Variants in PRR12 observed in about 807,000 individuals in gnomAD.
The protein encoded by PRR12 is proline-rich protein 12.
PRR12 carries 12 observed loss-of-function variants against 138.0 expected under a neutral mutation model. The ratio of observed to expected loss-of-function variants is 0.09; its 90% CI spans 0.06 to 0.14. The LOEUF is 0.14. PRR12 is among the 10% of genes least tolerant of loss of function. PRR12 has a pLI of 1.00. For synonymous variants in PRR12, 1,567 were observed against 1,291.7 expected, an observed-to-expected ratio of 1.21 and a Z score of -4.57; for missense variants, 2,692 against 2,861.3, an observed-to-expected ratio of 0.94 and a Z score of 1.35.
chr19:49,614,953 G>A lies in PRR12; in HGVS notation c.4968G>A (p.Lys1656=). ...YVKFLENVNK[K]DYVRVCARKP... ...AGTTCCTGGAAAATGTCAATAAGAA[G>A]GACTACGTGAGGGTCTGTGCTCGGA... The change falls in exon 8 of 14, where the codon AAG becomes AAA. Residue 1656 remains lysine, a synonymous_variant. Transcript: ENST00000418929. The surrounding 1 kb of genome is among the most constrained non-coding windows in gnomAD (Gnocchi z 5.0). The A allele has an allele frequency of 6.2e-7, 1 of 1,614,028 alleles. No individual in the cohort carries two copies. The highest frequency in any genetic ancestry group is 8.5e-7 in the Non-Finnish European group (1 of 1,179,898).
chr19:49,596,532 G>C lies in PRR12; in HGVS notation c.2197G>C (p.Glu733Gln), dbSNP rs766948254. The change falls in exon 4 of 14, where the codon GAG (glutamate) becomes CAG (glutamine). Residue 733 changes from glutamate (E) to glutamine (Q), a missense_variant. Around this residue, in one of 11 missense-constraint regions of PRR12, gnomAD observed 840 missense variants for 689.8 expected, o/e 1.22. Transcript: ENST00000418929. This position sits in a 1 kb window ranked among gnomAD's most constrained non-coding sequence, Gnocchi z 5.6. ...GCTGAAGGAGAAGAAGAAAGGGCCA[G>C]AGCGGGGTGGCGAGACCCCCGAGGG... ...GRLKEKKKGP[E>Q]RGGETPEGLA... is the part of the protein sequence containing the mutation. The C allele has an allele frequency of 9.0e-5, 145 of 1,608,962 alleles. 2 individuals are homozygous for C. The highest frequency in any genetic ancestry group is 5.0e-5 in the Admixed American group (3 of 59,492).
rs575817914 is a variant in PRR12 at position 49,596,324 on chromosome 19, C to T, written c.1989C>T (p.Gly663=). 2.6e-5 allele frequency: 42 copies of T among 1,610,138 alleles called. No individual in the cohort carries two copies. Among genetic ancestry groups the T allele is most frequent in the Middle Eastern group, 1.7e-4 (1 of 6,054 alleles). Residue 663 remains glycine (G), a synonymous_variant, in exon 4 of 14, where the codon GGC becomes GGT. Coordinates refer to ENST00000418929, the MANE Select transcript of PRR12 (RefSeq NM_020719.3). The surrounding 1 kb of genome is among the most constrained non-coding windows in gnomAD (Gnocchi z 5.6). ...PRTSGADGLV[G]EDGAADASKG... is the part of the protein sequence containing the mutation. ...CCTCAGGGGCGGACGGCTTGGTGGG[C>T]GAGGACGGGGCAGCAGATGCCTCTA... is the stretch of plus-strand genomic sequence containing the variant.
intron 6 of PRR12, among the ~76,000 whole-genome samples, chr19:49,612,945 G>T (rs981422178): frequency 2.0e-5 from 3 of 151,994 alleles, no homozygotes; most frequent in Non-Finnish European, 2.9e-5. Context: ...AAAGGTGTGA[G>T]CCACTGCACT....
intron 5 of PRR12, among the ~76,000 whole-genome samples, 175 bp from the exon 6 acceptor site, chr19:49,601,316 G>A (rs933408587): frequency 1.1e-4 from 16 of 152,158 alleles, no homozygotes; most frequent in African/African-American, 3.9e-4. Flanking sequence ...CTCCTTTGCA[G>A]CCGCAGGAGC....
Position 49,597,449 on chromosome 19 carries a change from G to C in PRR12, c.3114G>C (p.Ala1038=). ...GLIQSGPHQA[A]PPPPPPPPPP... Reference sequence around the variant, plus strand: ...TCCAGAGTGGCCCCCACCAGGCGGCGCCACCACCCCCGCCTCCGCCACCGC... The same window carrying C: ...TCCAGAGTGGCCCCCACCAGGCGGCCCCACCACCCCCGCCTCCGCCACCGC... The change falls in exon 4 of 14, where the codon GCG becomes GCC. Residue 1038 remains alanine (A), a synonymous_variant. Transcript: ENST00000418929. The surrounding 1 kb of genome is among the most constrained non-coding windows in gnomAD (Gnocchi z 6.3). 2 of 1,538,990 alleles carry C rather than the reference G, an allele frequency of 1.3e-6. No homozygotes were observed. Among genetic ancestry groups the C allele is most frequent in the Non-Finnish European group, 1.7e-6 (2 of 1,145,530 alleles).
rs991519777 is a variant in PRR12 at position 49,601,912 on chromosome 19, C to G, written c.4767C>G (p.Ser1589=). Residue 1589 remains serine, a synonymous_variant, in exon 6 of 14, where the codon TCC becomes TCG. Coordinates refer to ENST00000418929, the MANE Select transcript of PRR12 (RefSeq NM_020719.3). ...EFVIRAEDIP[S]LKLALQTGRE... The stretch of plus-strand genomic sequence containing the variant: ...TCATCCGTGCTGAGGACATCCCTTC[C>G]CTCAAGGTGAGTCCCAGCCTTCTCC... The G allele has an allele frequency of 1.1e-5, 18 of 1,611,294 alleles. No homozygotes were observed. The highest frequency in any genetic ancestry group is 1.5e-5 in the Non-Finnish European group (18 of 1,179,588).
chr19:49,599,527 A>G lies in PRR12; in HGVS notation c.3934A>G (p.Ser1312Gly). 6.3e-7 allele frequency: 1 copy of G among 1,597,706 alleles called. No homozygotes were observed. The highest frequency in any genetic ancestry group is 8.5e-7 in the Non-Finnish European group (1 of 1,172,740). Residue 1312 changes from serine to glycine, a missense_variant, in exon 5 of 14, where the codon AGT becomes GGT. Physicochemically the swap from Ser to Gly is moderately conservative, Grantham distance 56 (BLOSUM62 0). Coordinates refer to ENST00000418929, the MANE Select transcript of PRR12 (RefSeq NM_020719.3). This position sits in a 1 kb window ranked among gnomAD's most constrained non-coding sequence, Gnocchi z 5.0. ...GACGCCTCCGCTCAGCCCTCCCAAG[A>G]GTGTGCCACCCTCTGTGCCAGCCCG... The part of the protein sequence containing the change: ...GLTPPLSPPK[S>G]VPPSVPARGL...
At position 49,616,866 on chromosome 19, in the gene PRR12, C is replaced by T. The variant is rs992012740; in HGVS notation, c.5497+647C>T. Reference sequence around the variant, plus strand: ...TGGTTAGGCCGGGCACAGTGGCTCGCGCCTGTAATCCCAACACTTTGGGAG... The same window carrying T: ...TGGTTAGGCCGGGCACAGTGGCTCGTGCCTGTAATCCCAACACTTTGGGAG... On this transcript the variant is annotated intron_variant, in intron 9 of 13. Coordinates refer to ENST00000418929, the MANE Select transcript of PRR12 (RefSeq NM_020719.3). This position sits in a 1 kb window ranked among gnomAD's most constrained non-coding sequence, Gnocchi z 4.2. Among the ~76,000 whole-genome samples the T allele has an allele frequency of 5.3e-5, 8 of 152,210 alleles. No individual in the cohort carries two copies. Among genetic ancestry groups the T allele is most frequent in the African/African-American group, 1.4e-4 (6 of 41,520 alleles).
rs1160486058 is a variant in PRR12, at chr19:49,595,809, G to C, written c.1474G>C (p.Ala492Pro). ...PPSGPPPPGL[A>P]TCQSYSPDQL... ...CAGCGGCCCCCCTCCTCCTGGCCTG[G>C]CCACATGTCAGAGCTACTCCCCGGA... Residue 492 changes from alanine (A) to proline (P), a missense_variant, in exon 4 of 14, where the codon GCC becomes CCC. By Grantham distance (27) the Ala-to-Pro change is conservative. Coordinates refer to ENST00000418929, the MANE Select transcript of PRR12 (RefSeq NM_020719.3). 3 of 1,598,546 alleles carry C rather than the reference G, an allele frequency of 1.9e-6. No homozygotes were observed. Among genetic ancestry groups the C allele is most frequent in the Middle Eastern group, 1.7e-4 (1 of 6,034 alleles).
At position 49,595,957 on chromosome 19, in the gene PRR12, T is replaced by C; in HGVS notation, c.1622T>C (p.Leu541Pro). ...TACAGTACCGGCCATTCCCCAGCGC[T>C]CTCGGGCCATGGGGGTGGCTGGGGA... ...LSYSTGHSPALSGHGGGWGPS... is the reference protein window; with the variant it reads ...LSYSTGHSPAPSGHGGGWGPS... Residue 541 changes from leucine to proline, a missense_variant, in exon 4 of 14, where the codon CTC becomes CCC. Physicochemically the swap from Leu to Pro is moderately conservative, Grantham distance 98. Transcript: ENST00000418929. 1.2e-6 allele frequency: 2 copies of C among 1,600,590 alleles called. No individual in the cohort carries two copies. The highest frequency in any genetic ancestry group is 1.7e-6 in the Non-Finnish European group (2 of 1,179,618).
rs759552446 is a variant in PRR12, at chr19:49,593,376, C to T, written c.136C>T (p.His46Tyr). ...RTSHPETDIL[H>Y]RQAYAAPHPL... is the part of the protein sequence containing the mutation. ...CTCGCACCCCGAGACGGACATCTTACACCGCCAGGCCTATGCGGCCCCCCA... is the reference window on the plus strand; with the variant it reads ...CTCGCACCCCGAGACGGACATCTTATACCGCCAGGCCTATGCGGCCCCCCA... Residue 46 changes from histidine to tyrosine, a missense_variant, in exon 2 of 14, where the codon CAC (histidine) becomes TAC (tyrosine). Physicochemically the swap from His to Tyr is moderately conservative, Grantham distance 83 (BLOSUM62 2). Transcript: ENST00000418929. The T allele has an allele frequency of 1.9e-6, 3 of 1,612,372 alleles. No individual in the cohort carries two copies. Among genetic ancestry groups the T allele is most frequent in the Non-Finnish European group, 2.5e-6 (3 of 1,179,402 alleles).
At chr19:49,608,844 AAAAAAAAAC>A (rs1048912342) in intron 6 of PRR12, among the ~76,000 whole-genome samples, 1 of 151,900 alleles carries the variant, frequency 6.6e-6, no homozygotes, top group Admixed American at 6.6e-5. Flanking sequence ...CCTGTCTCAA[AAAAAAAAAC>A]AAAAAAAACA....
intron 5 of PRR12, among the ~76,000 whole-genome samples, chr19:49,600,668 A>G (rs2080805241): frequency 6.6e-6 from 1 of 151,848 alleles, no homozygotes; most frequent in South Asian, 2.1e-4. Context: ...AAAAACCCCA[A>G]AAACAAAACA....
At chr19:49,609,979 CT>C (rs926692542) in intron 6 of PRR12, among the ~76,000 whole-genome samples, 3,194 of 145,842 alleles carry the variant, frequency 0.022, 145 homozygotes, top group East Asian at 0.13. Flanking sequence ...CTTTTTCTTT[CT>C]TTTTTTTTTT....
intron 6 of PRR12, among the ~76,000 whole-genome samples, chr19:49,607,117 G>A (rs2080842481): frequency 2.0e-5 from 3 of 151,566 alleles, no homozygotes; most frequent in South Asian, 4.2e-4. Flanking sequence ...AACATTGTGA[G>A]CCCCCGCCTT....
chr19:49,617,895 C>T (rs2080900985), intron 9 of PRR12, among the ~76,000 whole-genome samples: 1 of 151,900 alleles, frequency 6.6e-6, no homozygotes, highest in African/African-American at 2.4e-5. Flanking sequence ...GTCAGGAGCT[C>T]GAGACCAGCC....
Position 49,594,986 on chromosome 19 carries a change from T to C in PRR12, c.651T>C (p.Ala217=). The change falls in exon 4 of 14, where the codon GCT becomes GCC. Residue 217 remains alanine (A), a synonymous_variant. Transcript: ENST00000418929. The surrounding 1 kb of genome is among the most constrained non-coding windows in gnomAD (Gnocchi z 5.6). ...CAGGGGGCGGTGTCTTGGGGCCAGC[T>C]GGTCTCGGTCCAGCCCAGACCCCCC... ...RLAGGGVLGP[A]GLGPAQTPPY... The C allele has an allele frequency of 1.2e-6, 2 of 1,600,022 alleles. No homozygotes were observed. Among genetic ancestry groups the C allele is most frequent in the Non-Finnish European group, 1.7e-6 (2 of 1,174,900 alleles).
At chr19:49,602,198 C>T (rs7248333) in intron 6 of PRR12, among the ~76,000 whole-genome samples, 5 of 152,052 alleles carry the variant, frequency 3.3e-5, no homozygotes, top group Admixed American at 6.6e-5. Flanking sequence ...ATAAGGTGAA[C>T]CGCTTGTTAA....
At chr19:49,621,489 C>G (rs1250481030) in intron 10 of PRR12, 36 bp from the exon 11 acceptor site, 2 of 1,522,658 alleles carry the variant, frequency 1.3e-6, no homozygotes, top group Non-Finnish European at 1.8e-6. Context: ...CTTTGTGAGG[C>G]TGTGGCCTTC....
Sources: gnomAD v4.1 joint callset for allele counts (sites outside exome capture counted in the v4.1 genomes callset) on GRCh38, gnomAD v4.1.1 for gene constraint, gnomAD v4.1.1 regional missense constraint, Gnocchi (gnomAD v3.1) non-coding constraint, MANE v1.5 for transcripts, NCBI Gene and HGNC (gene_info 2026-07-23, HGNC 2026-07-21) for gene names.